CSGALNACT1: variants seen among roughly 807,000 people sequenced by gnomAD.
CSGALNACT1 encodes chondroitin sulfate N-acetylgalactosaminyltransferase 1.
A neutral mutation model predicts 51.0 loss-of-function variants in CSGALNACT1; 52 were observed. The observed-to-expected ratio is 1.02, with a 90% CI of 0.82 to 1.29. The LOEUF (loss-of-function observed/expected upper bound fraction) is 1.29, where lower values mean the gene tolerates loss of function less well. CSGALNACT1 is among the 50% of genes most tolerant of loss of function. CSGALNACT1 has a pLI of 0.00. For synonymous variants in CSGALNACT1, 341 were observed against 254.4 expected, an observed-to-expected ratio of 1.34 and a Z score of -3.24; for missense variants, 935 against 679.2, an observed-to-expected ratio of 1.38 and a Z score of -4.19.
At chr8:19,412,121 C>T (rs1222879385) in intron 8 of CSGALNACT1, among the ~76,000 whole-genome samples, 1 of 152,230 alleles carries the variant, frequency 6.6e-6, no homozygotes. Context: ...GCATGGGCCA[C>T]CGCACCCAGC....
chr8:19,568,667 C>T (rs749641948), intron 3 of CSGALNACT1, among the ~76,000 whole-genome samples: 60 of 152,240 alleles, frequency 3.9e-4, no homozygotes, highest in Middle Eastern at 3.4e-3. Context: ...TATAAAACTT[C>T]AAAAAATATG....
chr8:19,653,395 G>C (rs1253411696), intron 1 of CSGALNACT1, among the ~76,000 whole-genome samples: 1 of 152,110 alleles, frequency 6.6e-6, no homozygotes, highest in East Asian at 1.9e-4. Context: ...GTCCCCCTCA[G>C]ACTCCTTTCT....
In CSGALNACT1 at chr8:19,474,277, G is replaced by A. The variant is rs2068879532; in HGVS notation, c.635-15635C>T. Among the ~76,000 whole-genome samples, 3 of 152,110 alleles carry A rather than the reference G, an allele frequency of 2.0e-5. No homozygotes were observed. The South Asian group carries it at 6.2e-4, about 32-fold the overall frequency. On this transcript the variant is annotated intron_variant, in intron 4 of 9. Coordinates refer to ENST00000454498, the Ensembl canonical transcript of CSGALNACT1. ...AACAATCTATGTGAAAAGCACATTTGTAGACCCAATTCTTCCTCTACCCTT... is the reference window on the plus strand; with the variant it reads ...AACAATCTATGTGAAAAGCACATTTATAGACCCAATTCTTCCTCTACCCTT...
intron 3 of CSGALNACT1, among the ~76,000 whole-genome samples, chr8:19,576,818 A>T (rs2044330800): frequency 6.6e-6 from 1 of 152,054 alleles, no homozygotes; most frequent in African/African-American, 2.4e-5. Context: ...TATCTCTCAG[A>T]GATCATGAAT....
rs542181525 is a variant in CSGALNACT1 at position 19,529,926 on chromosome 8, T to C, written c.-296-23796A>G. On this transcript the variant is annotated intron_variant, in intron 3 of 9. Transcript: ENST00000454498. ...ACAATTATTTCTCATATTTTATTTTTTAAAATAGTCTCAGCCCAACACAGT... is the reference window on the plus strand; with the variant it reads ...ACAATTATTTCTCATATTTTATTTTCTAAAATAGTCTCAGCCCAACACAGT... 2.6e-5 allele frequency among the ~76,000 whole-genome samples: 4 copies of C among 152,304 alleles called. No individual in the cohort carries two copies. The East Asian group carries it at 7.7e-4, about 29-fold the overall frequency.
At chr8:19,545,168 T>A (rs889918894) in intron 3 of CSGALNACT1, among the ~76,000 whole-genome samples, 3 of 152,186 alleles carry the variant, frequency 2.0e-5, no homozygotes, top group African/African-American at 7.2e-5. Context: ...ATCTCTGGAC[T>A]TGACCCAGTC....
chr8:19,675,839 C>T (rs892558467), intron 1 of CSGALNACT1, among the ~76,000 whole-genome samples: 5 of 152,010 alleles, frequency 3.3e-5, no homozygotes, highest in South Asian at 2.1e-4. Context: ...GTCTCAGGTT[C>T]ATCCAAGTCA....
chr8:19,623,675 A>G (rs1203611672), intron 1 of CSGALNACT1, among the ~76,000 whole-genome samples: 1 of 152,240 alleles, frequency 6.6e-6, no homozygotes, highest in East Asian at 1.9e-4. Flanking sequence ...CCAGAATAAC[A>G]GAAAGATGAC....
intron 3 of CSGALNACT1, among the ~76,000 whole-genome samples, chr8:19,550,299 GA>G (rs1465939794): frequency 6.6e-6 from 1 of 152,080 alleles, no homozygotes; most frequent in Non-Finnish European, 1.5e-5. Context: ...AAACTCATTA[GA>G]AAAACAGATT....
intron 3 of CSGALNACT1, among the ~76,000 whole-genome samples, chr8:19,534,046 C>A (rs1264921039): frequency 1.3e-5 from 2 of 152,060 alleles, no homozygotes; most frequent in Middle Eastern, 3.4e-3. Flanking sequence ...CTTTCAAAAT[C>A]TAAATTTAAA....
At chr8:19,467,006 T>C (rs7819875) in intron 4 of CSGALNACT1, among the ~76,000 whole-genome samples, 29,299 of 152,014 alleles carry the variant, frequency 0.19, 2,965 homozygotes, top group Non-Finnish European at 0.2. Flanking sequence ...GTTTATGTCA[T>C]AGATGCAGGC....
chr8:19,529,225 T>C (rs923837781), intron 3 of CSGALNACT1, among the ~76,000 whole-genome samples: 1 of 151,740 alleles, frequency 6.6e-6, no homozygotes, highest in Non-Finnish European at 1.5e-5. Flanking sequence ...AAAGACAGAG[T>C]GGGAAGGAAA....
At chr8:19,512,576 T>A (rs1469609339) in intron 3 of CSGALNACT1, among the ~76,000 whole-genome samples, 1 of 152,248 alleles carries the variant, frequency 6.6e-6, no homozygotes, top group African/African-American at 2.4e-5. Context: ...TGTTTTAATA[T>A]GTCTTACCTC....
At chr8:19,623,280 A>AAGGG (rs1224962308) in intron 1 of CSGALNACT1, among the ~76,000 whole-genome samples, 3 of 152,202 alleles carry the variant, frequency 2.0e-5, no homozygotes, top group Non-Finnish European at 4.4e-5. Flanking sequence ...GGATGAATTA[A>AAGGG]AGGGAGAAGT....
chr8:19,683,798 C>A (rs2060802882), upstream of CSGALNACT1, among the ~76,000 whole-genome samples: 1 of 150,364 alleles, frequency 6.7e-6, no homozygotes, highest in African/African-American at 2.5e-5. Context: ...TAAGAAAAGT[C>A]AAGAAAGTAT....
chr8:19,583,993 C>T (rs2046125264), intron 3 of CSGALNACT1, among the ~76,000 whole-genome samples: 1 of 152,210 alleles, frequency 6.6e-6, no homozygotes, highest in Non-Finnish European at 1.5e-5. Flanking sequence ...GATTGAATAA[C>T]ACATAAGCAC....
At chr8:19,426,047 C>T (rs903029463) in intron 6 of CSGALNACT1, among the ~76,000 whole-genome samples, 2 of 152,206 alleles carry the variant, frequency 1.3e-5, no homozygotes, top group Non-Finnish European at 2.9e-5. Context: ...GCAGACTCCA[C>T]AGGCTTCAAG....
At chr8:19,672,894 G>T (rs1482758780) in intron 1 of CSGALNACT1, among the ~76,000 whole-genome samples, 1 of 152,190 alleles carries the variant, frequency 6.6e-6, no homozygotes, top group Non-Finnish European at 1.5e-5. Context: ...GCTTCAGTCT[G>T]GGTTCATGCT....
At chr8:19,440,641 C>T (rs2061168292) in intron 5 of CSGALNACT1, among the ~76,000 whole-genome samples, 2 of 152,046 alleles carry the variant, frequency 1.3e-5, no homozygotes, top group Middle Eastern at 3.2e-3. Context: ...GGAAGCATTC[C>T]CTTTGAAAAC....
Sources: allele counts gnomAD v4.1 joint callset (sites outside exome capture counted in the v4.1 genomes callset), GRCh38; gene constraint gnomAD v4.1.1; transcripts MANE v1.5; gene names NCBI Gene and HGNC (gene_info 2026-07-23, HGNC 2026-07-21).